PCDH15: variants seen among roughly 807,000 people sequenced by gnomAD.
The protein encoded by PCDH15 is protocadherin-15.
A neutral mutation model predicts 178.5 loss-of-function variants in PCDH15; 129 were observed. The observed-to-expected ratio is 0.72, with a 90% CI of 0.63 to 0.84. The LOEUF (loss-of-function observed/expected upper bound fraction) is 0.84, where lower values mean the gene tolerates loss of function less well. Among genes scored for constraint, PCDH15 ranks in the 40% least tolerant of loss-of-function variants. The probability of loss-of-function intolerance (pLI) is 0.00; values close to 1 mark genes in which losing one functional copy is unlikely to be tolerated. For missense variants in PCDH15, 2,230 were observed against 2,099.9 expected (o/e 1.06, Z -1.21); for synonymous variants, 800 against 732.0 (o/e 1.09, Z -1.50).
At chr10:55,332,589 G>C (rs752210274) in intron 2 of PCDH15, among the ~76,000 whole-genome samples, 1 of 152,116 alleles carries the variant, frequency 6.6e-6, no homozygotes, top group Non-Finnish European at 1.5e-5. Flanking sequence ...ACATGGTTTG[G>C]CTGTGTCCCC....
intron 25 of PCDH15, among the ~76,000 whole-genome samples, chr10:53,913,747 A>T (rs535565220): frequency 6.8e-6 from 1 of 146,734 alleles, no homozygotes; most frequent in Non-Finnish European, 1.5e-5. Flanking sequence ...CTGTCTCAAA[A>T]AAAAACCAAA....
chr10:54,585,155 C>G (rs1296944879), intron 2 of PCDH15, among the ~76,000 whole-genome samples: 1 of 133,268 alleles, frequency 7.5e-6, no homozygotes, highest in East Asian at 2.3e-4. Flanking sequence ...GTAAATGACC[C>G]ACAGAAGTTG....
intron 1 of PCDH15, among the ~76,000 whole-genome samples, chr10:55,263,774 G>T (rs979033227): frequency 1.3e-5 from 2 of 151,910 alleles, no homozygotes; most frequent in Admixed American, 6.6e-5. Context: ...TCACTCTGTC[G>T]TCTGGGCTGG....
At chr10:55,245,829 T>C (rs1167115982) in intron 1 of PCDH15, among the ~76,000 whole-genome samples, 1 of 152,186 alleles carries the variant, frequency 6.6e-6, no homozygotes, top group African/African-American at 2.4e-5. Flanking sequence ...TGAAGATTAT[T>C]TTCCACTTCT....
intron 6 of PCDH15, among the ~76,000 whole-genome samples, chr10:54,343,125 G>T (rs1347867336): frequency 6.6e-6 from 1 of 152,112 alleles, no homozygotes; most frequent in African/African-American, 2.4e-5. Context: ...AATGTCAAAA[G>T]GACAAGAGAT....
At chr10:55,405,219 T>C (rs1403960601) in intron 2 of PCDH15, among the ~76,000 whole-genome samples, 1 of 149,088 alleles carries the variant, frequency 6.7e-6, no homozygotes, top group East Asian at 1.9e-4. Flanking sequence ...AATATAAATA[T>C]ATCTATGCAC....
intron 35 of PCDH15, among the ~76,000 whole-genome samples, chr10:53,813,753 A>T (rs1447460783): frequency 6.6e-6 from 1 of 152,198 alleles, no homozygotes; most frequent in Admixed American, 6.5e-5. Flanking sequence ...CAGAATGTTG[A>T]GCAATATAGG....
intron 14 of PCDH15, among the ~76,000 whole-genome samples, chr10:54,142,841 C>T (rs1486477748): frequency 1.3e-5 from 2 of 152,022 alleles, no homozygotes; most frequent in African/African-American, 2.4e-5. Flanking sequence ...ATAAGTTGGC[C>T]TCATGCTATC....
At chr10:53,884,797 A>C (rs2133382239) in intron 26 of PCDH15, among the ~76,000 whole-genome samples, 1 of 152,292 alleles carries the variant, frequency 6.6e-6, no homozygotes, top group East Asian at 1.9e-4. Context: ...GTTGAAAGAT[A>C]ATTCAATGAT....
At chr10:54,745,747 A>G (rs991367768) in intron 1 of PCDH15, among the ~76,000 whole-genome samples, 2 of 152,224 alleles carry the variant, frequency 1.3e-5, no homozygotes, top group African/African-American at 2.4e-5. Context: ...AGTGTATAAT[A>G]TAAAATTAAT....
intron 2 of PCDH15, among the ~76,000 whole-genome samples, chr10:55,560,730 C>G (rs1210553929): frequency 6.6e-6 from 1 of 151,840 alleles, no homozygotes; most frequent in Non-Finnish European, 1.5e-5. Context: ...ACTCACATTT[C>G]CACTTTCAAG....
intron 2 of PCDH15, among the ~76,000 whole-genome samples, chr10:55,533,543 G>A (rs1262503748): frequency 2.6e-5 from 4 of 151,920 alleles, no homozygotes; most frequent in Admixed American, 6.6e-5. Flanking sequence ...TCTCTATAAG[G>A]AGAACTATAA....
At chr10:54,500,104 C>T (rs530450078) in intron 3 of PCDH15, among the ~76,000 whole-genome samples, 2 of 152,206 alleles carry the variant, frequency 1.3e-5, no homozygotes, top group Non-Finnish European at 2.9e-5. Context: ...GCATGGAATA[C>T]TATGCAGCCA....
At chr10:54,916,537 A>G (rs1323022271) in intron 2 of PCDH15, among the ~76,000 whole-genome samples, 4 of 152,156 alleles carry the variant, frequency 2.6e-5, no homozygotes, top group Non-Finnish European at 4.4e-5. Flanking sequence ...TTTGTTTAAA[A>G]CAAAACATTT....
intron 3 of PCDH15, among the ~76,000 whole-genome samples, chr10:54,431,173 C>A (rs1215871435): frequency 6.6e-6 from 1 of 152,068 alleles, no homozygotes; most frequent in Non-Finnish European, 1.5e-5. Context: ...CTGAATTCTA[C>A]CACACATTTA....
intron 8 of PCDH15, among the ~76,000 whole-genome samples, chr10:54,308,750 A>T (rs2060708000): frequency 6.6e-6 from 1 of 152,026 alleles, no homozygotes; most frequent in African/African-American, 2.4e-5. Flanking sequence ...CATAATCTAC[A>T]TTAGGTATTT....
At chr10:54,815,293 A>C (rs902516128) in intron 3 of PCDH15, among the ~76,000 whole-genome samples, 6 of 152,134 alleles carry the variant, frequency 3.9e-5, no homozygotes, top group Admixed American at 1.3e-4. Context: ...TGAAATGTAC[A>C]TATATCTATT....
At chr10:55,110,041 T>C (rs1248207976) in intron 2 of PCDH15, among the ~76,000 whole-genome samples, 1 of 151,562 alleles carries the variant, frequency 6.6e-6, no homozygotes, top group East Asian at 1.9e-4. Context: ...GTATTAATTG[T>C]AGTTACTATT....
chr10:55,408,758 C>T (rs181986479), intron 2 of PCDH15, among the ~76,000 whole-genome samples: 4 of 152,150 alleles, frequency 2.6e-5, no homozygotes, highest in East Asian at 1.9e-4. Context: ...TAAGTAGTTT[C>T]GTCTAGTCTC....
Sources: gnomAD v4.1 joint callset for allele counts (sites outside exome capture counted in the v4.1 genomes callset) on GRCh38, gnomAD v4.1.1 for gene constraint, MANE v1.5 for transcripts, NCBI Gene and HGNC (gene_info 2026-07-23, HGNC 2026-07-21) for gene names.